Variants in ADGRL4 observed in about 807,000 individuals in gnomAD.
ADGRL4 encodes the protein adhesion G protein-coupled receptor L4.
Under a neutral mutation model 74.8 loss-of-function variants are expected in ADGRL4, and 90 were observed. That is an observed-to-expected ratio of 1.20 (90% CI 1.02 to 1.43). The LOEUF is 1.43. Among genes scored for constraint, ADGRL4 ranks in the 40% most tolerant of loss-of-function variants. The pLI is 0.00. For missense variants in ADGRL4, 881 were observed against 814.3 expected, an observed-to-expected ratio of 1.08 and a Z score of -1.00; for synonymous variants, 311 against 279.2, an observed-to-expected ratio of 1.11 and a Z score of -1.14.
At chr1:78,904,741 T>C (rs1648594849) in intron 12 of ADGRL4, among the ~76,000 whole-genome samples, 1 of 151,794 alleles carries the variant, frequency 6.6e-6, no homozygotes, top group Admixed American at 6.6e-5. Flanking sequence ...AAGATTAATA[T>C]ATTTAGTTAT....
chr1:78,929,879 G>C lies in ADGRL4; in HGVS notation c.878-2788C>G, dbSNP rs557252338. Reference sequence around the variant, plus strand: ...ATTTCATCATCTGTCACTATAATCGGTATTTTCAATGTCTTTTTTCCAACT... The same window carrying C: ...ATTTCATCATCTGTCACTATAATCGCTATTTTCAATGTCTTTTTTCCAACT... On this transcript the variant is annotated intron_variant, in intron 7 of 14. Coordinates refer to ENST00000370742, the MANE Select transcript of ADGRL4 (RefSeq NM_022159.4). Among the ~76,000 whole-genome samples, 8 of 151,426 alleles carry C rather than the reference G, an allele frequency of 5.3e-5. No individual in the cohort carries two copies. The East Asian group carries it at 1.5e-3, about 29-fold the overall frequency.
intron 2 of ADGRL4, among the ~76,000 whole-genome samples, chr1:78,963,071 A>G (rs1392715506): frequency 6.6e-6 from 1 of 152,194 alleles, no homozygotes; most frequent in Non-Finnish European, 1.5e-5. Flanking sequence ...ATTTACTGAT[A>G]TTTGTATTTT....
intron 12 of ADGRL4, among the ~76,000 whole-genome samples, chr1:78,902,513 A>C (rs1648541682): frequency 6.6e-6 from 1 of 152,136 alleles, no homozygotes; most frequent in Non-Finnish European, 1.5e-5. Flanking sequence ...GGGGTAACAG[A>C]GCCAATATTC....
chr1:78,993,569 T>C (rs898333970), intron 2 of ADGRL4, among the ~76,000 whole-genome samples: 1 of 89,510 alleles, frequency 1.1e-5, no homozygotes, highest in Non-Finnish European at 2.3e-5. Flanking sequence ...AAGCAAAAAT[T>C]CCATTTTTTT....
In ADGRL4 at chr1:78,987,766, C is replaced by T. The variant is rs569357530; in HGVS notation, c.172+17304G>A. ...TTTTCCTTTTCAATATTGCATGACTCTTATCATTTTCCAAGACAGGCCACA... is the reference window on the plus strand; with the variant it reads ...TTTTCCTTTTCAATATTGCATGACTTTTATCATTTTCCAAGACAGGCCACA... On this transcript the variant is annotated intron_variant, in intron 2 of 14. Transcript: ENST00000370742. Among the ~76,000 whole-genome samples the T allele has an allele frequency of 2.0e-5, 3 of 151,762 alleles. No homozygotes were observed. In the South Asian group the frequency reaches 6.2e-4, roughly 32 times the overall value.
intron 2 of ADGRL4, among the ~76,000 whole-genome samples, chr1:78,959,646 C>T (rs1649905212): frequency 1.3e-5 from 2 of 152,100 alleles, no homozygotes; most frequent in Admixed American, 1.3e-4. Flanking sequence ...ATAGCAAGCA[C>T]CTTATAGAAG....
intron 12 of ADGRL4, among the ~76,000 whole-genome samples, chr1:78,901,214 C>T (rs1648511016): frequency 6.6e-6 from 1 of 152,154 alleles, no homozygotes; most frequent in Non-Finnish European, 1.5e-5. Context: ...TGGCATCCTT[C>T]ATGTCAACCC....
At chr1:78,964,641 A>T (rs1028742572) in intron 2 of ADGRL4, among the ~76,000 whole-genome samples, 1 of 152,122 alleles carries the variant, frequency 6.6e-6, no homozygotes, top group Non-Finnish European at 1.5e-5. Context: ...TTCATCAATC[A>T]TAGTAAAACT....
Position 78,898,557 on chromosome 1 carries a change from A to T in ADGRL4, c.1750-5368T>A, listed in dbSNP as rs146979878. Among the ~76,000 whole-genome samples, 1,001 of 151,324 alleles carry T rather than the reference A, an allele frequency of 6.6e-3. 11 individuals are homozygous for T. The highest frequency in any genetic ancestry group is 0.023 in the African/African-American group (947 of 41,246). The stretch of plus-strand genomic sequence containing the variant: ...TCAGATTGTCAGCTTGGGTTCCATG[A>T]TACTTTGATAGAAATAAACAGGGCA... On this transcript the variant is annotated intron_variant, in intron 12 of 14. Transcript: ENST00000370742.
At chr1:78,952,196 C>G (rs185007336) in intron 2 of ADGRL4, among the ~76,000 whole-genome samples, 1 of 152,080 alleles carries the variant, frequency 6.6e-6, no homozygotes, top group Non-Finnish European at 1.5e-5. Context: ...CAGCATCACT[C>G]CTGTACACAT....
chr1:78,981,484 C>T (rs1482872951), intron 2 of ADGRL4, among the ~76,000 whole-genome samples: 2 of 151,738 alleles, frequency 1.3e-5, no homozygotes, highest in Admixed American at 6.6e-5. Flanking sequence ...ACAATAAGAG[C>T]ATCTACCTCA....
chr1:78,918,481 A>G (rs1188829262), intron 10 of ADGRL4, among the ~76,000 whole-genome samples: 3 of 151,946 alleles, frequency 2.0e-5, no homozygotes, highest in African/African-American at 7.2e-5. Context: ...ACAAAAGAAA[A>G]TAAATATCTT....
intron 7 of ADGRL4, among the ~76,000 whole-genome samples, chr1:78,935,987 G>A (rs1307778014): frequency 5.0e-5 from 4 of 79,704 alleles, no homozygotes; most frequent in African/African-American, 1.6e-4. Context: ...AGCCGGGCGT[G>A]ATGGCGGGCG....
At chr1:78,934,946 A>G (rs1412727776) in intron 7 of ADGRL4, among the ~76,000 whole-genome samples, 5 of 152,216 alleles carry the variant, frequency 3.3e-5, no homozygotes, top group Non-Finnish European at 5.9e-5. Flanking sequence ...ACGCTTTTAC[A>G]CTGTTAGTGG....
At chr1:78,977,112 T>C (rs747426858) in intron 2 of ADGRL4, among the ~76,000 whole-genome samples, 28 of 151,710 alleles carry the variant, frequency 1.8e-4, no homozygotes, top group Non-Finnish European at 4.0e-4. Flanking sequence ...AGTTAAATTA[T>C]GCTTACACCC....
chr1:79,005,458 G>A (rs1650939035), intron 1 of ADGRL4, among the ~76,000 whole-genome samples: 1 of 152,048 alleles, frequency 6.6e-6, no homozygotes, highest in South Asian at 2.1e-4. Flanking sequence ...AAATCTCAAT[G>A]AAACTAAAAT....
At chr1:78,968,500 C>CCG (rs1553138224) in intron 2 of ADGRL4, among the ~76,000 whole-genome samples, 1 of 5,312 alleles carries the variant, frequency 1.9e-4, no homozygotes, top group African/African-American at 3.3e-4. Flanking sequence ...GGGTGGAGGG[C>CCG]GGTGGGGGGG....
chr1:78,964,389 G>T (rs1317404440), intron 2 of ADGRL4, among the ~76,000 whole-genome samples: 1 of 152,084 alleles, frequency 6.6e-6, no homozygotes, highest in Non-Finnish European at 1.5e-5. Flanking sequence ...CACTATTTGT[G>T]ATCAAAGTAC....
At position 78,912,480 on chromosome 1, in the gene ADGRL4, A is replaced by G. The variant is rs538676797; in HGVS notation, c.1749+5154T>C. Among the ~76,000 whole-genome samples the G allele has an allele frequency of 4.6e-5, 7 of 151,966 alleles. No individual in the cohort carries two copies. The South Asian group carries it at 1.4e-3, about 31-fold the overall frequency. On this transcript the variant is annotated intron_variant, in intron 12 of 14. Coordinates refer to ENST00000370742, the MANE Select transcript of ADGRL4 (RefSeq NM_022159.4). ...CAGCATTAGCTTCTCATAGGAGGGC[A>G]AACCCTATTGTGCAATGTGCATGCA... is the stretch of plus-strand genomic sequence containing the variant.
Sources: allele counts gnomAD v4.1 joint callset (sites outside exome capture counted in the v4.1 genomes callset), GRCh38; gene constraint gnomAD v4.1.1; transcripts MANE v1.5; gene names NCBI Gene and HGNC (gene_info 2026-07-23, HGNC 2026-07-21).